The following MGLL variants were observed in gnomAD, a reference collection of about 807,000 sequenced individuals.
The protein encoded by MGLL is monoglyceride lipase.
In MGLL, 7 loss-of-function variants were observed where a neutral mutation model predicts 29.1. The observed-to-expected ratio is 0.24, with a 90% CI of 0.14 to 0.45. MGLL has a LOEUF of 0.45. MGLL is among the 20% of genes least tolerant of loss of function. The pLI, the probability that MGLL is intolerant of heterozygous loss-of-function variation, is 0.99. For synonymous variants in MGLL, 148 were observed against 168.3 expected (o/e 0.88, Z 0.93); for missense variants, 356 against 413.6 (o/e 0.86, Z 1.21).
chr3:127,735,973 T>G (rs1372334064), intron 3 of MGLL: 1 of 1,435,686 alleles, frequency 7.0e-7, no homozygotes, highest in Admixed American at 2.8e-5. Flanking sequence ...AAACCATCTT[T>G]CGGCTCAGTT....
chr3:127,808,624 T>C (rs1245534110), intron 2 of MGLL, among the ~76,000 whole-genome samples: 2 of 152,176 alleles, frequency 1.3e-5, no homozygotes, highest in Non-Finnish European at 1.5e-5. Flanking sequence ...GAGATGCCTC[T>C]TAAATTTAAG....
chr3:127,798,211 GT>G (rs958974404), intron 2 of MGLL, among the ~76,000 whole-genome samples: 5 of 152,190 alleles, frequency 3.3e-5, no homozygotes, highest in African/African-American at 1.2e-4. Flanking sequence ...CCAGAGTTTT[GT>G]GATAATCACT....
At chr3:127,816,246 C>T (rs1460504060) in intron 2 of MGLL, among the ~76,000 whole-genome samples, 1 of 152,142 alleles carries the variant, frequency 6.6e-6, no homozygotes, top group African/African-American at 2.4e-5. Context: ...AATTCACACT[C>T]CCTTCTACAC....
At chr3:127,715,756 T>G (rs747976042) in intron 5 of MGLL, 1 of 456,720 alleles carries the variant, frequency 2.2e-6, no homozygotes, top group Non-Finnish European at 4.4e-6. Flanking sequence ...TGGATCACAT[T>G]GTCGAGGTCG....
intron 6 of MGLL, among the ~76,000 whole-genome samples, chr3:127,710,226 TC>T (rs1392717836): frequency 6.6e-6 from 1 of 152,190 alleles, no homozygotes; most frequent in Non-Finnish European, 1.5e-5. Context: ...ACGCCCTGGA[TC>T]CAGCCATGTC....
chr3:127,753,908 C>T (rs190011098), intron 3 of MGLL, among the ~76,000 whole-genome samples: 1 of 152,312 alleles, frequency 6.6e-6, no homozygotes, highest in East Asian at 1.9e-4. Context: ...TCCATTCCCA[C>T]CCTTGACTTG....
chr3:127,761,757 G>C lies in MGLL; in HGVS notation c.262+20032C>G, dbSNP rs1351805402. On this transcript the variant is annotated intron_variant, in intron 3 of 7. Coordinates refer to ENST00000265052, the MANE Select transcript of MGLL (RefSeq NM_007283.7). The surrounding 1 kb of genome is among the most constrained non-coding windows in gnomAD (Gnocchi z 4.6). ...GGCACGTTCGGCTCCTCGCTTCATCGGCCGGGCCCTTGGGACCCCAGCTCT... is the reference window on the plus strand; with the variant it reads ...GGCACGTTCGGCTCCTCGCTTCATCCGCCGGGCCCTTGGGACCCCAGCTCT... 6.6e-6 allele frequency among the ~76,000 whole-genome samples: 1 copy of C among 152,094 alleles called. No homozygotes were observed. The highest frequency in any genetic ancestry group is 1.5e-5 in the Non-Finnish European group (1 of 68,024).
At chr3:127,739,763 G>A (rs546018968) in intron 3 of MGLL, among the ~76,000 whole-genome samples, 2 of 152,216 alleles carry the variant, frequency 1.3e-5, no homozygotes, top group African/African-American at 4.8e-5. Flanking sequence ...TGGATGCCAC[G>A]CAGGGGTGTG....
At chr3:127,757,510 T>C (rs146007950) in intron 3 of MGLL, among the ~76,000 whole-genome samples, 181 of 152,224 alleles carry the variant, frequency 1.2e-3, no homozygotes, top group Middle Eastern at 6.8e-3. Context: ...GGCTTTTGGC[T>C]TCAAGAAATT....
intron 3 of MGLL, among the ~76,000 whole-genome samples, chr3:127,728,218 G>A (rs1252499290): frequency 6.6e-6 from 1 of 151,928 alleles, no homozygotes; most frequent in African/African-American, 2.4e-5. Context: ...CCATCTCCCC[G>A]CTCGTTCCCT....
chr3:127,757,853 G>A (rs532848416), intron 3 of MGLL, among the ~76,000 whole-genome samples: 3 of 152,204 alleles, frequency 2.0e-5, no homozygotes, highest in Non-Finnish European at 2.9e-5. Flanking sequence ...GCTGATACAG[G>A]AGTGCCGGGA....
rs771523715 is a variant in MGLL at position 127,692,163 on chromosome 3, C to T, written c.*35G>A. 3 of 1,565,672 alleles carry T rather than the reference C, an allele frequency of 1.9e-6. No homozygotes were observed. Among genetic ancestry groups the T allele is most frequent in the Non-Finnish European group, 2.6e-6 (3 of 1,155,472 alleles). On this transcript the variant is annotated 3_prime_UTR_variant, in exon 8 of 8. Transcript: ENST00000265052. ...ATCTCTGCCCTTCCCCTGCCTGCAT[C>T]CCCCAGACCATGAGCCGGGCACCGG...
Position 127,765,657 on chromosome 3 carries a change from G to A in MGLL, c.262+16132C>T, listed in dbSNP as rs543779388. Among the ~76,000 whole-genome samples, 4 of 152,350 alleles carry A rather than the reference G, an allele frequency of 2.6e-5. No individual in the cohort carries two copies. In the East Asian group the frequency reaches 7.7e-4, roughly 29 times the overall value. On this transcript the variant is annotated intron_variant, in intron 3 of 7. Transcript: ENST00000265052. ...CCACTTTGTAAATTTTTAAAAACAA[G>A]TTCAACAGTGGGTAAACGAACAGAA...
intron 3 of MGLL, among the ~76,000 whole-genome samples, chr3:127,775,744 C>A (rs9869280): frequency 0.12 from 18,977 of 152,204 alleles, 1,396 homozygotes; most frequent in Admixed American, 0.19. Flanking sequence ...GCCGAGAGTG[C>A]GTGTTAGGAA....
chr3:127,745,909 G>A (rs1177985285), intron 3 of MGLL, among the ~76,000 whole-genome samples: 5 of 152,140 alleles, frequency 3.3e-5, no homozygotes, highest in Non-Finnish European at 7.3e-5. Context: ...GCTGCACAAC[G>A]GACTGACCCT....
At chr3:127,779,842 C>T (rs2077093472) in intron 3 of MGLL, among the ~76,000 whole-genome samples, 1 of 152,220 alleles carries the variant, frequency 6.6e-6, no homozygotes, top group Admixed American at 6.5e-5. Flanking sequence ...GCCACCAGTA[C>T]CTGCATCGCC....
chr3:127,817,439 G>A (rs1443511105), intron 2 of MGLL, among the ~76,000 whole-genome samples: 3 of 152,198 alleles, frequency 2.0e-5, no homozygotes, highest in South Asian at 2.1e-4. Flanking sequence ...TGCCAGGAAG[G>A]CCAAGTGGCA....
chr3:127,787,608 G>A (rs2077235370), intron 2 of MGLL, among the ~76,000 whole-genome samples: 1 of 152,254 alleles, frequency 6.6e-6, no homozygotes, highest in African/African-American at 2.4e-5. Flanking sequence ...CACTAGGCAG[G>A]TGGGGATGCC....
chr3:127,764,374 T>C (rs529230652), intron 3 of MGLL, among the ~76,000 whole-genome samples: 1 of 152,204 alleles, frequency 6.6e-6, no homozygotes, highest in Admixed American at 6.5e-5. Flanking sequence ...ACCTTGTGAC[T>C]TTACTATGTC....
Sources: allele counts gnomAD v4.1 joint callset (sites outside exome capture counted in the v4.1 genomes callset), GRCh38; gene constraint gnomAD v4.1.1; non-coding constraint Gnocchi (gnomAD v3.1); transcripts MANE v1.5; gene names NCBI Gene and HGNC (gene_info 2026-07-23, HGNC 2026-07-21).